CD38: variants seen among roughly 807,000 people sequenced by gnomAD.
The protein encoded by CD38 is ADP-ribosyl cyclase/cyclic ADP-ribose hydrolase 1.
Under a neutral mutation model 36.3 loss-of-function variants are expected in CD38, and 31 were observed. That is an observed-to-expected ratio of 0.85 (90% confidence interval 0.64 to 1.15). CD38 has a LOEUF of 1.15. Ranked by LOEUF, CD38 falls within the 50% of genes most tolerant of loss-of-function variation. CD38 has a pLI of 0.00. For missense variants in CD38, 380 were observed against 371.9 expected, an observed-to-expected ratio of 1.02 and a Z score of -0.18; for synonymous variants, 131 against 135.2, an observed-to-expected ratio of 0.97 and a Z score of 0.22.
chr4:15,836,954 A>C (rs1577660132), intron 4 of CD38, among the ~76,000 whole-genome samples: 1 of 152,222 alleles, frequency 6.6e-6, no homozygotes, highest in Admixed American at 6.5e-5. Flanking sequence ...ATGAGATACC[A>C]CCATCCTATA....
At chr4:15,825,320 G>A (rs1429833698) in intron 3 of CD38, 3 of 326,074 alleles carry the variant, frequency 9.2e-6, no homozygotes, top group Non-Finnish European at 1.7e-5. Context: ...AGGGGAGCTG[G>A]CATTTACAGA....
intron 1 of CD38, among the ~76,000 whole-genome samples, chr4:15,786,198 G>T (rs182534517): frequency 1.3e-5 from 2 of 151,726 alleles, no homozygotes; most frequent in African/African-American, 4.8e-5. Context: ...AGTGTAGAAC[G>T]GGACGCCAAT....
intron 1 of CD38, among the ~76,000 whole-genome samples, chr4:15,808,705 T>C (rs1291105658): frequency 2.0e-5 from 3 of 152,312 alleles, no homozygotes; most frequent in East Asian, 3.9e-4. Context: ...ATGAAGGAAT[T>C]ATAGTTGAAC....
rs79242430 is a variant in CD38 at position 15,848,511 on chromosome 4, G to A, written c.840-28G>A. On this transcript the variant is annotated intron_variant, in intron 7 of 7. Transcript: ENST00000226279. ...CGACAGATGTATCCTACGGTCTCTT[G>A]ATTTCCTTTTTTGCTTTCTTGTCAT... The A allele has an allele frequency of 5.7e-4, 907 of 1,588,634 alleles. 11 individuals carry two copies. In the East Asian group the frequency reaches 0.015, roughly 26 times the overall value.
At chr4:15,839,590 A>AT (rs1245616464) in intron 5 of CD38, among the ~76,000 whole-genome samples, 4 of 151,028 alleles carry the variant, frequency 2.6e-5, no homozygotes, top group Non-Finnish European at 5.9e-5. Context: ...CGCCCAGCTA[A>AT]TTTTTTGTAT....
intron 7 of CD38, among the ~76,000 whole-genome samples, chr4:15,840,757 C>T (rs1462997651): frequency 2.6e-5 from 4 of 152,156 alleles, no homozygotes; most frequent in African/African-American, 7.2e-5. Context: ...TTTCCTCATC[C>T]GTCTCTATTG....
chr4:15,829,678 A>T (rs1234495251), intron 3 of CD38, among the ~76,000 whole-genome samples: 1 of 152,196 alleles, frequency 6.6e-6, no homozygotes, highest in Non-Finnish European at 1.5e-5. Flanking sequence ...GTGCTATCAA[A>T]TAATAGGTCT....
intron 4 of CD38, among the ~76,000 whole-genome samples, chr4:15,835,260 T>C (rs72616186): frequency 0.059 from 8,919 of 151,802 alleles, 356 homozygotes; most frequent in East Asian, 0.18. Context: ...TTAGCTTCCA[T>C]ATATGAGTGA....
chr4:15,804,277 C>T (rs897893161), intron 1 of CD38, among the ~76,000 whole-genome samples: 3 of 152,132 alleles, frequency 2.0e-5, no homozygotes, highest in African/African-American at 7.2e-5. Flanking sequence ...TTTACATTCC[C>T]ACCAACAGTG....
intron 1 of CD38, among the ~76,000 whole-genome samples, chr4:15,809,734 C>T (rs189795630): frequency 0.01 from 1,536 of 152,202 alleles, 8 homozygotes; most frequent in Non-Finnish European, 0.017. Context: ...TGCAGGCACC[C>T]CTAGACGTCT....
At chr4:15,831,314 C>T (rs1051787566) in intron 3 of CD38, among the ~76,000 whole-genome samples, 4 of 152,170 alleles carry the variant, frequency 2.6e-5, no homozygotes, top group South Asian at 2.1e-4. Context: ...GTAGTTTACA[C>T]GTCATAGTTA....
At chr4:15,834,856 T>A (rs1239022554) in intron 4 of CD38, among the ~76,000 whole-genome samples, 1 of 152,138 alleles carries the variant, frequency 6.6e-6, no homozygotes, top group Non-Finnish European at 1.5e-5. Flanking sequence ...AGATTCAGAA[T>A]CTAGGCTGGG....
rs1724020584 is a variant in CD38, at chr4:15,834,311, C to G, written c.585+9C>G. On this transcript the variant is annotated intron_variant, in intron 4 of 7. Coordinates refer to ENST00000226279, the MANE Select transcript of CD38 (RefSeq NM_001775.4). Reference sequence around the variant, plus strand: ...AAACGGTTTCCCGCAGGGTAAGTACCAAGTAGTGAAATTCTAGAGCTTTGG... The same window carrying G: ...AAACGGTTTCCCGCAGGGTAAGTACGAAGTAGTGAAATTCTAGAGCTTTGG... The G allele has an allele frequency of 6.3e-7, 1 of 1,575,560 alleles. No homozygotes were observed.
intron 3 of CD38, among the ~76,000 whole-genome samples, chr4:15,826,965 C>T (rs188777860): frequency 2.0e-4 from 31 of 152,254 alleles, no homozygotes; most frequent in African/African-American, 6.5e-4. Flanking sequence ...TTTTGACCAT[C>T]TGTATGCGGT....
chr4:15,823,588 G>T (rs1209199834), intron 2 of CD38, among the ~76,000 whole-genome samples: 1 of 152,184 alleles, frequency 6.6e-6, no homozygotes, highest in African/African-American at 2.4e-5. Flanking sequence ...CAACATCACT[G>T]GTCATTAGAG....
chr4:15,829,783 T>C (rs955369333), intron 3 of CD38, among the ~76,000 whole-genome samples: 1 of 152,216 alleles, frequency 6.6e-6, no homozygotes, highest in African/African-American at 2.4e-5. Flanking sequence ...CTATTCTCCA[T>C]GTCCATGAGA....
Position 15,840,108 on chromosome 4 carries a change from G to C in CD38, c.742G>C (p.Glu248Gln), listed in dbSNP as rs373930972. The C allele has an allele frequency of 6.2e-7, 1 of 1,604,290 alleles. No individual in the cohort carries two copies. The highest frequency in any genetic ancestry group is 8.5e-7 in the Non-Finnish European group (1 of 1,171,072). Residue 248 changes from glutamate to glutamine, a missense_variant, in exon 6 of 8, where the codon GAA becomes CAA. Transcript: ENST00000226279. ...GGCCTGGGTGATACATGGTGGAAGA[G>C]AAGATTCCAGGTATATCTTACTACT... ...LEAWVIHGGREDSRDLCQDPT... is the reference protein window; with the variant it reads ...LEAWVIHGGRQDSRDLCQDPT...
In CD38 at chr4:15,812,808, A is replaced by G. The variant is rs529594331; in HGVS notation, c.234-3703A>G. Among the ~76,000 whole-genome samples the G allele has an allele frequency of 9.2e-5, 14 of 152,306 alleles. No homozygotes were observed. In the South Asian group the frequency reaches 1.9e-3, roughly 20 times the overall value. On this transcript the variant is annotated intron_variant, in intron 1 of 7. Coordinates refer to ENST00000226279, the MANE Select transcript of CD38 (RefSeq NM_001775.4). ...TTGTAACAGTGTTGTGTATTTTTCA[A>G]TGTTCCAGTCCTGTAATTCTTTGTT...
At chr4:15,796,457 T>A (rs1278025618) in intron 1 of CD38, among the ~76,000 whole-genome samples, 3 of 152,098 alleles carry the variant, frequency 2.0e-5, no homozygotes, top group African/African-American at 7.2e-5. Flanking sequence ...ATTTAAAAAT[T>A]AAAAATTAAA....
Sources: gnomAD v4.1 joint callset for allele counts (sites outside exome capture counted in the v4.1 genomes callset) on GRCh38, gnomAD v4.1.1 for gene constraint, MANE v1.5 for transcripts, NCBI Gene and HGNC (gene_info 2026-07-23, HGNC 2026-07-21) for gene names.